ATG4A: variants seen among roughly 807,000 people sequenced by gnomAD.
The protein encoded by ATG4A is cysteine protease ATG4A.
ATG4A carries 22 observed loss-of-function variants against 38.4 expected under a neutral mutation model. The ratio of observed to expected loss-of-function variants is 0.57; its 90% confidence interval spans 0.41 to 0.82. The LOEUF (loss-of-function observed/expected upper bound fraction) is 0.82, where lower values mean the gene tolerates loss of function less well. Among genes scored for constraint, ATG4A ranks in the 40% least tolerant of loss-of-function variants. The pLI, the probability that ATG4A is intolerant of heterozygous loss-of-function variation, is 0.00. For missense variants in ATG4A, 220 were observed against 290.0 expected (o/e 0.76, Z 1.75); for synonymous variants, 86 against 100.7 (o/e 0.85, Z 0.88).
In ATG4A at chrX:108,154,047, A is replaced by G. The variant is rs2033651403; in HGVS notation, c.*335A>G. 2 of 162,045 alleles carry G rather than the reference A, an allele frequency of 1.2e-5. No homozygotes were observed. Among genetic ancestry groups the G allele is most frequent in the South Asian group, 4.0e-4 (2 of 5,054 alleles). 13.4% of individuals were successfully genotyped at this position (162,045 alleles called of 1,213,427 possible). Reference sequence around the variant, plus strand: ...ATGGGCATCTGGAAGACAAACAGCAACTCTCAGCTTGCTTCAAGAACCAGC... The same window carrying G: ...ATGGGCATCTGGAAGACAAACAGCAGCTCTCAGCTTGCTTCAAGAACCAGC... On this transcript the variant is annotated 3_prime_UTR_variant, in exon 13 of 13. Transcript: ENST00000372232.
At position 108,105,428 on chromosome X, in the gene ATG4A, A is replaced by G. The variant is rs747363117; in HGVS notation, c.10+13592A>G. ...ACAACACTGCAAGTTTTCTGGTTCTATATCAGTAAGCCTCCTCTCTCTCTT... is the reference window on the plus strand; with the variant it reads ...ACAACACTGCAAGTTTTCTGGTTCTGTATCAGTAAGCCTCCTCTCTCTCTT... On this transcript the variant is annotated intron_variant, in intron 1 of 12. Transcript: ENST00000372232. Among the ~76,000 whole-genome samples, 3 of 110,735 alleles carry G rather than the reference A, an allele frequency of 2.7e-5. No homozygotes were observed. In the East Asian group the frequency reaches 8.5e-4, roughly 31 times the overall value.
chrX:108,127,013 T>C, intron 2 of ATG4A: 1 of 245,920 alleles, frequency 4.1e-6, no homozygotes, highest in Non-Finnish European at 7.9e-6. Flanking sequence ...GGCTTCATTA[T>C]TTTGATTGGA....
At chrX:108,093,479 C>T (rs750746629) in intron 1 of ATG4A, among the ~76,000 whole-genome samples, 2 of 111,927 alleles carry the variant, frequency 1.8e-5, no homozygotes, top group Non-Finnish European at 3.8e-5. Context: ...TAGATAGGCA[C>T]ATCAGTTTCC....
intron 1 of ATG4A, among the ~76,000 whole-genome samples, chrX:108,094,315 G>A (rs1361616331): frequency 9.0e-6 from 1 of 111,610 alleles, no homozygotes; most frequent in Non-Finnish European, 1.9e-5. Flanking sequence ...AGCACCATTT[G>A]CTGAATCTCT....
chrX:108,138,275 C>A, intron 9 of ATG4A, 84 bp downstream of exon 9: 1 of 863,339 alleles, frequency 1.2e-6, no homozygotes, highest in Non-Finnish European at 1.7e-6. Flanking sequence ...CCAGGCAATT[C>A]CAGTTAGTGG....
intron 9 of ATG4A, 48 bp downstream of exon 9, chrX:108,138,239 C>T (rs774699617): frequency 1.1e-5 from 12 of 1,107,478 alleles, no homozygotes; most frequent in Admixed American, 4.4e-5. Context: ...TAGGGGAGGG[C>T]GTGGGGACAA....
rs151045668 is a variant in ATG4A, at chrX:108,105,299, T to C, written c.10+13463T>C. ...GATTCTGGGGGCCTTTGAAACCTTT[T>C]TGGAGGATACTTGACTTCTCTGGGC... On this transcript the variant is annotated intron_variant, in intron 1 of 12. Coordinates refer to ENST00000372232, the MANE Select transcript of ATG4A (RefSeq NM_052936.5). 1.5e-3 allele frequency among the ~76,000 whole-genome samples: 171 copies of C among 111,813 alleles called. 2 individuals are homozygous for C. In the East Asian group the frequency reaches 0.045, roughly 30 times the overall value.
intron 1 of ATG4A, 131 bp from the exon 2 acceptor site, chrX:108,125,945 CA>C: frequency 2.4e-6 from 1 of 424,337 alleles, no homozygotes; most frequent in South Asian, 3.8e-5. Flanking sequence ...GTTTGTTCCT[CA>C]AGGAAAAGGA....
intron 1 of ATG4A, among the ~76,000 whole-genome samples, chrX:108,105,233 C>T (rs1344015109): frequency 9.0e-6 from 1 of 111,628 alleles, no homozygotes. Context: ...CATGGACTGG[C>T]TTTGTACAGG....
At chrX:108,133,962 T>G in intron 4 of ATG4A, 95 bp from the exon 5 acceptor site, 1 of 677,212 alleles carries the variant, frequency 1.5e-6, no homozygotes, top group African/African-American at 2.2e-5. Flanking sequence ...ATGTGGTGCC[T>G]TTGTTTTTCT....
chrX:108,133,107 T>A (rs2033006595), intron 4 of ATG4A, among the ~76,000 whole-genome samples: 1 of 112,090 alleles, frequency 8.9e-6, no homozygotes, highest in South Asian at 3.7e-4. Context: ...CTGTGCTGGA[T>A]CCAAAGTTAA....
chrX:108,125,346 C>G (rs1040054058), intron 1 of ATG4A, among the ~76,000 whole-genome samples: 1 of 110,203 alleles, frequency 9.1e-6, no homozygotes, highest in Admixed American at 9.7e-5. Flanking sequence ...GGGAGAAAGG[C>G]CAAATTTCAG....
At chrX:108,132,929 T>G (rs2033002147) in intron 4 of ATG4A, among the ~76,000 whole-genome samples, 1 of 111,838 alleles carries the variant, frequency 8.9e-6, no homozygotes, top group African/African-American at 3.2e-5. Flanking sequence ...AGATGTCTTT[T>G]GGATTGTTTC....
chrX:108,115,264 A>G (rs1006980989), intron 1 of ATG4A, among the ~76,000 whole-genome samples: 2 of 110,475 alleles, frequency 1.8e-5, no homozygotes, highest in Non-Finnish European at 3.8e-5. Flanking sequence ...ATAGAGACTT[A>G]CCATTTTCTT....
chrX:108,148,228 G>A (rs949608045), intron 9 of ATG4A, among the ~76,000 whole-genome samples: 29 of 106,772 alleles, frequency 2.7e-4, no homozygotes, highest in African/African-American at 5.8e-4. Context: ...GGAGAAAGAC[G>A]TAGGCTGGGA....
intron 7 of ATG4A, 76 bp from the exon 8 acceptor site, chrX:108,137,728 C>T (rs2033142402): frequency 9.9e-7 from 1 of 1,011,694 alleles, no homozygotes; most frequent in Non-Finnish European, 1.3e-6. Context: ...TGAGGTTCCC[C>T]TTAGTTTTGA....
At chrX:108,141,949 G>A (rs187513629) in intron 9 of ATG4A, among the ~76,000 whole-genome samples, 2 of 111,670 alleles carry the variant, frequency 1.8e-5, no homozygotes, top group African/African-American at 3.3e-5. Flanking sequence ...GTACCCCAAT[G>A]GATGATGATT....
chrX:108,150,307 C>G lies in ATG4A; in HGVS notation c.960+10C>G. On this transcript the variant is annotated intron_variant, in intron 10 of 12. Coordinates refer to ENST00000372232, the MANE Select transcript of ATG4A (RefSeq NM_052936.5). ...TCCTTCAGTTGCATTGGTGGGTATT[C>G]GTAGGTTGGGTGGGCCAGGAGATAC... 1 of 1,211,158 alleles carries G rather than the reference C, an allele frequency of 8.3e-7. No homozygotes were observed. Among genetic ancestry groups the G allele is most frequent in the Non-Finnish European group, 1.1e-6 (1 of 895,226 alleles).
At chrX:108,115,118 CGTGTGTGTGTGT>C (rs748772447) in intron 1 of ATG4A, among the ~76,000 whole-genome samples, 2 of 90,189 alleles carry the variant, frequency 2.2e-5, no homozygotes, top group East Asian at 3.6e-4. Flanking sequence ...TGCATGTATG[CGTGTGTGTGTGT>C]GTGTGTGTGT....
Sources: allele counts gnomAD v4.1 joint callset (sites outside exome capture counted in the v4.1 genomes callset), GRCh38; gene constraint gnomAD v4.1.1; transcripts MANE v1.5; gene names NCBI Gene and HGNC (gene_info 2026-07-23, HGNC 2026-07-21).